The following RCSD1 variants were observed in gnomAD, a reference collection of about 807,000 sequenced individuals.
RCSD1 encodes the protein capZ-interacting protein.
In RCSD1, 26 loss-of-function variants were observed where a neutral mutation model predicts 42.5. The ratio of observed to expected loss-of-function variants is 0.61; its 90% CI spans 0.45 to 0.85. The LOEUF is 0.85. RCSD1 is among the 40% of genes least tolerant of loss of function. RCSD1 has a pLI of 0.00. For synonymous variants in RCSD1, 220 were observed against 212.2 expected (o/e 1.04, Z -0.32); for missense variants, 571 against 528.3 (o/e 1.08, Z -0.79).
At chr1:167,644,922 A>C (rs559091774) in intron 1 of RCSD1, among the ~76,000 whole-genome samples, 10 of 152,348 alleles carry the variant, frequency 6.6e-5, no homozygotes, top group South Asian at 2.1e-4. Context: ...ACGTGGTCAC[A>C]TTACTTGTAT....
At position 167,647,795 on chromosome 1, in the gene RCSD1, C is replaced by T. The variant is rs376306515; in HGVS notation, c.6+17366C>T. ...ACCAATAAAAATTCTTTCTAGAAAA[C>T]CCTAGGACTGTTCAGGACATTTTCT... is the stretch of plus-strand genomic sequence containing the variant. On this transcript the variant is annotated intron_variant, in intron 1 of 6. Coordinates refer to ENST00000367854, the MANE Select transcript of RCSD1 (RefSeq NM_052862.4). Among the ~76,000 whole-genome samples the T allele has an allele frequency of 2.9e-4, 44 of 152,162 alleles. No individual in the cohort carries two copies. In the Middle Eastern group the frequency reaches 0.014, roughly 47 times the overall value.
chr1:167,681,072 C>T (rs1035504976), intron 1 of RCSD1, among the ~76,000 whole-genome samples: 5 of 152,216 alleles, frequency 3.3e-5, no homozygotes, highest in Admixed American at 6.5e-5. Context: ...ACAGGCTGAG[C>T]CACCAGCCCC....
chr1:167,648,386 T>A (rs1444592780), intron 1 of RCSD1, among the ~76,000 whole-genome samples: 2 of 152,220 alleles, frequency 1.3e-5, no homozygotes, highest in Non-Finnish European at 2.9e-5. Flanking sequence ...TTGACAAGCA[T>A]TGCCAAATCA....
intron 1 of RCSD1, among the ~76,000 whole-genome samples, chr1:167,638,796 G>T (rs1558070912): frequency 6.6e-6 from 1 of 152,212 alleles, no homozygotes; most frequent in African/African-American, 2.4e-5. Flanking sequence ...GGGCTTTGGA[G>T]TTTTGAGAGC....
intron 1 of RCSD1, among the ~76,000 whole-genome samples, chr1:167,657,269 G>C (rs1571682572): frequency 6.6e-6 from 1 of 152,182 alleles, no homozygotes; most frequent in Non-Finnish European, 1.5e-5. Context: ...ATCTATGCTT[G>C]TTTGTCCAAG....
chr1:167,650,388 T>C (rs1658271736), intron 1 of RCSD1, among the ~76,000 whole-genome samples: 2 of 152,124 alleles, frequency 1.3e-5, no homozygotes, highest in South Asian at 2.1e-4. Context: ...TGGCTTCCCT[T>C]TGAAGCTCTG....
rs1659749827 is a variant in RCSD1 at position 167,706,020 on chromosome 1, A to G, written c.*1324A>G. On this transcript the variant is annotated 3_prime_UTR_variant, in exon 7 of 7. Transcript: ENST00000367854. ...TTAGACTACATCCTACACTGACTTC[A>G]GAAAACAGTCTGTCAGACAAAAAGG... is the stretch of plus-strand genomic sequence containing the variant. 1 of 152,252 alleles carries G rather than the reference A, an allele frequency of 6.6e-6. No homozygotes were observed. The highest frequency in any genetic ancestry group is 2.4e-5 in the African/African-American group (1 of 41,474). The allele number at this position is 152,252 out of a possible 1,614,324, so 9.4% of individuals were successfully genotyped here.
At chr1:167,691,376 G>A (rs528616587) in intron 4 of RCSD1, among the ~76,000 whole-genome samples, 22 of 152,336 alleles carry the variant, frequency 1.4e-4, no homozygotes, top group African/African-American at 3.8e-4. Context: ...TCCTGAGCCC[G>A]TCCTTAAGGA....
intron 1 of RCSD1, among the ~76,000 whole-genome samples, chr1:167,667,445 T>C (rs1658688057): frequency 6.6e-6 from 1 of 152,210 alleles, no homozygotes; most frequent in Non-Finnish European, 1.5e-5. Flanking sequence ...CTGAAATGGA[T>C]CTGAAAATAT....
In RCSD1 at chr1:167,685,458, G is replaced by C. The variant is rs989025462; in HGVS notation, c.146G>C (p.Cys49Ser). 27 of 1,613,704 alleles carry C rather than the reference G, an allele frequency of 1.7e-5. No individual in the cohort carries two copies. Among genetic ancestry groups the C allele is most frequent in the Non-Finnish European group, 2.3e-5 (27 of 1,179,898 alleles). ...AAACCAACCCGAAGGAAACCGCCCT[G>C]TTCCCTCCCCCTGTTCCCCCCCAAG... ...ASKPTRRKPP[C>S]SLPLFPPKVD... Residue 49 changes from cysteine (C) to serine (S), a missense_variant, in exon 3 of 7, where the codon TGT (cysteine) becomes TCT (serine). By Grantham distance (112) the Cys-to-Ser change is moderately radical. Transcript: ENST00000367854.
At position 167,706,482 on chromosome 1, in the gene RCSD1, C is replaced by A. The variant is rs935492429; in HGVS notation, c.*1786C>A. Among the ~76,000 whole-genome samples the A allele has an allele frequency of 6.6e-6, 1 of 152,112 alleles. No homozygotes were observed. Among genetic ancestry groups the A allele is most frequent in the African/African-American group, 2.4e-5 (1 of 41,398 alleles). On this transcript the variant is annotated 3_prime_UTR_variant, in exon 7 of 7. Transcript: ENST00000367854. ...ATGTGTGATGAAAAGGGCCACTTTACTTGAGGAAGGCATGGAACAGAAAGT... is the reference window on the plus strand; with the variant it reads ...ATGTGTGATGAAAAGGGCCACTTTAATTGAGGAAGGCATGGAACAGAAAGT...
chr1:167,650,793 T>A (rs1658281076), intron 1 of RCSD1, among the ~76,000 whole-genome samples: 1 of 151,928 alleles, frequency 6.6e-6, no homozygotes. Context: ...GGAGTGTGCG[T>A]GGTACGATGG....
chr1:167,699,696 T>A (rs962284344), intron 6 of RCSD1, among the ~76,000 whole-genome samples: 2 of 152,256 alleles, frequency 1.3e-5, no homozygotes, highest in East Asian at 3.8e-4. Flanking sequence ...GGGTTTGGAT[T>A]GGATGTACCC....
At chr1:167,645,554 G>A (rs976831824) in intron 1 of RCSD1, among the ~76,000 whole-genome samples, 2 of 152,206 alleles carry the variant, frequency 1.3e-5, no homozygotes, top group Admixed American at 1.3e-4. Flanking sequence ...ACTGAAGAAG[G>A]CTTATTGGGA....
intron 6 of RCSD1, among the ~76,000 whole-genome samples, chr1:167,701,012 G>GGGA (rs1659624233): frequency 6.6e-6 from 1 of 152,170 alleles, no homozygotes; most frequent in Non-Finnish European, 1.5e-5. Context: ...GGGAACTCCA[G>GGGA]GAGCTCTGGG....
chr1:167,658,465 G>T (rs1658470605), intron 1 of RCSD1, among the ~76,000 whole-genome samples: 2 of 151,958 alleles, frequency 1.3e-5, no homozygotes, highest in African/African-American at 4.8e-5. Flanking sequence ...TCGCTCTGTT[G>T]CCCAGACTGG....
intron 1 of RCSD1, among the ~76,000 whole-genome samples, chr1:167,634,921 G>A (rs1657797994): frequency 6.8e-6 from 1 of 147,888 alleles, no homozygotes; most frequent in Admixed American, 6.9e-5. Context: ...CTCACAGACT[G>A]TCAGTATTAC....
At chr1:167,643,478 G>A (rs1034607043) in intron 1 of RCSD1, among the ~76,000 whole-genome samples, 3 of 152,238 alleles carry the variant, frequency 2.0e-5, no homozygotes, top group East Asian at 1.9e-4. Flanking sequence ...TATCTGTTCA[G>A]CTAAACTGTA....
intron 1 of RCSD1, among the ~76,000 whole-genome samples, chr1:167,657,899 AC>A: frequency 6.6e-6 from 1 of 151,944 alleles, no homozygotes; most frequent in Non-Finnish European, 1.5e-5. Context: ...ATGCACACAC[AC>A]ACACACACAC....
Sources: gnomAD v4.1 joint callset for allele counts (sites outside exome capture counted in the v4.1 genomes callset) on GRCh38, gnomAD v4.1.1 for gene constraint, MANE v1.5 for transcripts, NCBI Gene and HGNC (gene_info 2026-07-23, HGNC 2026-07-21) for gene names.